The following GAB1 variants were observed in gnomAD, a reference collection of about 807,000 sequenced individuals.
The protein encoded by GAB1 is GRB2 associated binding protein 1.
In GAB1, 19 loss-of-function variants were observed where a neutral mutation model predicts 66.5. That is an observed-to-expected ratio of 0.29 (90% CI 0.20 to 0.42). The LOEUF (loss-of-function observed/expected upper bound fraction) is 0.42, where lower values mean the gene tolerates loss of function less well. GAB1 is among the 10% of genes least tolerant of loss of function. The probability of loss-of-function intolerance (pLI) is 1.00; values close to 1 mark genes in which losing one functional copy is unlikely to be tolerated. For missense variants in GAB1, 732 were observed against 858.5 expected (o/e 0.85, Z 1.84); for synonymous variants, 294 against 301.4 (o/e 0.98, Z 0.25).
At chr4:143,428,835 C>A (rs1733496755) in intron 2 of GAB1, among the ~76,000 whole-genome samples, 1 of 124,430 alleles carries the variant, frequency 8.0e-6, no homozygotes, top group East Asian at 2.4e-4. Flanking sequence ...ACATCACTCA[C>A]CAGGGCCTGT....
chr4:143,465,366 A>G (rs1202877624), intron 8 of GAB1, among the ~76,000 whole-genome samples: 1 of 152,146 alleles, frequency 6.6e-6, no homozygotes, highest in Non-Finnish European at 1.5e-5. Flanking sequence ...TGTACAAATC[A>G]TCTGAAATGG....
intron 2 of GAB1, 112 bp from the exon 3 acceptor site, chr4:143,433,379 T>C (rs1481269594): frequency 2.8e-6 from 2 of 721,476 alleles, no homozygotes; most frequent in African/African-American, 1.8e-5. Context: ...GCTGACATTG[T>C]CATGATTTAT....
At chr4:143,449,573 T>C (rs1317520529) in intron 6 of GAB1, among the ~76,000 whole-genome samples, 1 of 152,196 alleles carries the variant, frequency 6.6e-6, no homozygotes, top group African/African-American at 2.4e-5. Flanking sequence ...TTGATCTTTG[T>C]TGGTTTAAAG....
At chr4:143,359,954 G>T (rs1423772146) in intron 1 of GAB1, among the ~76,000 whole-genome samples, 3 of 152,234 alleles carry the variant, frequency 2.0e-5, no homozygotes, top group Non-Finnish European at 1.5e-5. Flanking sequence ...ATGAGTCACT[G>T]TTAGTTCAAA....
At chr4:143,359,249 AC>A (rs1368014125) in intron 1 of GAB1, among the ~76,000 whole-genome samples, 2 of 152,044 alleles carry the variant, frequency 1.3e-5, no homozygotes, top group African/African-American at 4.8e-5. Context: ...TCAGATGATG[AC>A]CCCCTCATCC....
intron 6 of GAB1, among the ~76,000 whole-genome samples, chr4:143,446,837 G>A (rs1462236186): frequency 1.7e-4 from 25 of 150,592 alleles, no homozygotes; most frequent in Admixed American, 1.7e-3. Flanking sequence ...TGTTGCCATT[G>A]CTTTTGGTGT....
chr4:143,440,402 GTA>G lies in GAB1; in HGVS notation c.1585+21_1585+22del, dbSNP rs774485660. On this transcript the variant is annotated intron_variant, in intron 6 of 9. Transcript: ENST00000262994. ...GAAAAGGTAAGGAGAGCATGGCAAA[GTA>G]AAAGGCTTGGGGAGTGCCAAGTTAG... The G allele has an allele frequency of 1.2e-5, 19 of 1,576,712 alleles. No individual in the cohort carries two copies. In the South Asian group the frequency reaches 2.0e-4, roughly 17 times the overall value.
At chr4:143,432,460 T>C (rs1733706834) in intron 2 of GAB1, among the ~76,000 whole-genome samples, 1 of 152,060 alleles carries the variant, frequency 6.6e-6, no homozygotes, top group Non-Finnish European at 1.5e-5. Context: ...ACAGAATTTA[T>C]TGGGCAAAAA....
At chr4:143,395,940 C>T (rs1254986796) in intron 1 of GAB1, 1 of 455,856 alleles carries the variant, frequency 2.2e-6, no homozygotes, top group South Asian at 1.5e-5. Flanking sequence ...AATTTGTGTG[C>T]CAGTCTTGTC....
intron 1 of GAB1, 134 bp downstream of exon 1, chr4:143,337,394 C>T (rs781476200): frequency 7.9e-6 from 6 of 758,546 alleles, no homozygotes; most frequent in Non-Finnish European, 1.3e-5. Flanking sequence ...CCCTTGGCCC[C>T]TACCCCTGGC....
At chr4:143,416,043 A>T (rs2149718885) in intron 2 of GAB1, among the ~76,000 whole-genome samples, 1 of 152,316 alleles carries the variant, frequency 6.6e-6, no homozygotes, top group African/African-American at 2.4e-5. Context: ...CATTTATTGA[A>T]TTCCAATATA....
chr4:143,345,546 T>C (rs1728959444), intron 1 of GAB1, among the ~76,000 whole-genome samples: 1 of 152,222 alleles, frequency 6.6e-6, no homozygotes, highest in African/African-American at 2.4e-5. Flanking sequence ...TTTCTTTTGG[T>C]TTGACTCATG....
At chr4:143,446,333 G>A (rs1438804901) in intron 6 of GAB1, among the ~76,000 whole-genome samples, 1 of 152,168 alleles carries the variant, frequency 6.6e-6, no homozygotes, top group African/African-American at 2.4e-5. Flanking sequence ...TGGGTCAAAT[G>A]GTATTGCTAG....
At chr4:143,450,274 C>G (rs1487921544) in intron 6 of GAB1, among the ~76,000 whole-genome samples, 1 of 152,062 alleles carries the variant, frequency 6.6e-6, no homozygotes, top group African/African-American at 2.4e-5. Context: ...CTGGAATTAA[C>G]AAATGATAAT....
At chr4:143,411,062 CAG>C (rs1491162594) in intron 1 of GAB1, among the ~76,000 whole-genome samples, 1 of 151,918 alleles carries the variant, frequency 6.6e-6, no homozygotes, top group Non-Finnish European at 1.5e-5. Context: ...CAGGACAGAG[CAG>C]AGTGTTTGGG....
chr4:143,349,651 T>G lies in GAB1; in HGVS notation c.72+12391T>G. The G allele has an allele frequency of 4.7e-6, 7 of 1,476,804 alleles. No individual in the cohort carries two copies. In the South Asian group the frequency reaches 8.2e-5, roughly 17 times the overall value. The allele number at this position is 1,476,804 out of a possible 1,614,324, so 91.5% of individuals were successfully genotyped here. A position where few individuals can be genotyped will look rare whatever the true frequency, so the allele number is the denominator to read the frequency against. ...GGGCTTGCCGATCTTGTTCCCCCAG[T>G]AGCCTCTGTGCACGGGGACAATGGA... On this transcript the variant is annotated intron_variant, in intron 1 of 9. Coordinates refer to ENST00000262994, the MANE Select transcript of GAB1 (RefSeq NM_002039.4).
At chr4:143,390,674 G>T (rs548061755) in intron 1 of GAB1, among the ~76,000 whole-genome samples, 44 of 152,168 alleles carry the variant, frequency 2.9e-4, no homozygotes, top group African/African-American at 1.0e-3. Context: ...CTATGCTGCT[G>T]GGCCAAAGAG....
intron 1 of GAB1, among the ~76,000 whole-genome samples, chr4:143,393,550 G>A (rs1234751582): frequency 3.3e-5 from 5 of 152,128 alleles, no homozygotes; most frequent in African/African-American, 1.2e-4. Flanking sequence ...TGTATAAAGT[G>A]CATAGAACAA....
In GAB1 at chr4:143,463,082, A is replaced by G. The variant is rs146057449; in HGVS notation, c.1803+2595A>G. ...TCAACAATGCCAATTCCATATCCTCATGCTGCCAAATACAAGGACTCATCA... is the reference window on the plus strand; with the variant it reads ...TCAACAATGCCAATTCCATATCCTCGTGCTGCCAAATACAAGGACTCATCA... On this transcript the variant is annotated intron_variant, in intron 8 of 9. Transcript: ENST00000262994. Among the ~76,000 whole-genome samples the G allele has an allele frequency of 2.3e-3, 351 of 152,308 alleles. 1 individual carries two copies. The highest frequency in any genetic ancestry group is 8.1e-3 in the African/African-American group (338 of 41,570).
Sources: gnomAD v4.1 joint callset for allele counts (sites outside exome capture counted in the v4.1 genomes callset) on GRCh38, gnomAD v4.1.1 for gene constraint, MANE v1.5 for transcripts, NCBI Gene and HGNC (gene_info 2026-07-23, HGNC 2026-07-21) for gene names.